SALL1: variants seen among roughly 807,000 people sequenced by gnomAD.
SALL1 encodes the protein spalt like transcription factor 1, also known as sal-like protein 1.
In SALL1, 10 loss-of-function variants were observed where a neutral mutation model predicts 73.1. That is an observed-to-expected ratio of 0.14 (90% CI 0.08 to 0.23). SALL1 has a LOEUF of 0.23. SALL1 is among the 10% of genes least tolerant of loss of function. The probability of loss-of-function intolerance (pLI) is 1.00; values close to 1 mark genes in which losing one functional copy is unlikely to be tolerated. For missense variants in SALL1, 1,520 were observed against 1,697.3 expected (o/e 0.90, Z 1.84); for synonymous variants, 688 against 689.8 (o/e 1.00, Z 0.04).
Position 51,138,835 on chromosome 16 carries a change from T to A in SALL1, c.3387A>T (p.Arg1129Ser), listed in dbSNP as rs1430844208. 1 of 1,614,108 alleles carries A rather than the reference T, an allele frequency of 6.2e-7. No homozygotes were observed. The highest frequency in any genetic ancestry group is 2.2e-5 in the East Asian group (1 of 44,872). Residue 1129 changes from arginine (R) to serine (S), a missense_variant, in exon 2 of 3, where the codon AGA (arginine) becomes AGT (serine). By Grantham distance (110) the Arg-to-Ser change is moderately radical. Around this residue, in one of 7 missense-constraint regions of SALL1, gnomAD observed 318 missense variants for 357.1 expected, o/e 0.89. Transcript: ENST00000251020. Reference protein sequence around the residue: ...SPVLLPALPRRTPKQHYCNTC... With the variant: ...SPVLLPALPRSTPKQHYCNTC... ...TGTTGCAGTAGTGCTGCTTGGGAGTTCTCCTGGGCAGAGCAGGGAGCAGAA... is the reference window on the plus strand; with the variant it reads ...TGTTGCAGTAGTGCTGCTTGGGAGTACTCCTGGGCAGAGCAGGGAGCAGAA...
intron 1 of SALL1, chr16:51,150,909 C>T: frequency 2.6e-6 from 1 of 382,504 alleles, no homozygotes; most frequent in South Asian, 1.0e-4. Context: ...GCCCTCCTTC[C>T]CCCGGGAGGA....
chr16:51,151,666 C>G (rs985831130), upstream of SALL1, among the ~76,000 whole-genome samples: 1 of 151,458 alleles, frequency 6.6e-6, no homozygotes, highest in South Asian at 2.1e-4. Context: ...GGGCCGGCCT[C>G]CTCTCCACTG....
Position 51,137,106 on chromosome 16 carries a change from G to A in SALL1, c.*6C>T, listed in dbSNP as rs1465674747. 6.2e-7 allele frequency: 1 copy of A among 1,613,962 alleles called. No homozygotes were observed. Among genetic ancestry groups the A allele is most frequent in the Non-Finnish European group, 8.5e-7 (1 of 1,179,986 alleles). On this transcript the variant is annotated 3_prime_UTR_variant, in exon 3 of 3. Coordinates refer to ENST00000251020, the MANE Select transcript of SALL1 (RefSeq NM_002968.3). ...AATGAATGCTATGTCTCCAGCCCGAGCTGCTTTAACTCGTGACGATCTCCT... is the reference window on the plus strand; with the variant it reads ...AATGAATGCTATGTCTCCAGCCCGAACTGCTTTAACTCGTGACGATCTCCT...
chr16:51,137,627 T>G (rs1962338612), intron 2 of SALL1, 75 bp from the exon 3 acceptor site: 11 of 1,130,236 alleles, frequency 9.7e-6, no homozygotes, highest in South Asian at 2.7e-5. Flanking sequence ...AGAAGCTTAA[T>G]AGCTGAATCT....
chr16:51,141,168 A>G lies in SALL1; in HGVS notation c.1054T>C (p.Ser352Pro). 8 of 1,614,160 alleles carry G rather than the reference A, an allele frequency of 5.0e-6. No individual in the cohort carries two copies. Among genetic ancestry groups the G allele is most frequent in the Non-Finnish European group, 6.8e-6 (8 of 1,180,032 alleles). Residue 352 changes from serine (S) to proline (P), a missense_variant, in exon 2 of 3, where the codon TCC becomes CCC. Physicochemically the swap from Ser to Pro is moderately conservative, Grantham distance 74. Transcript: ENST00000251020. The surrounding 1 kb of genome is among the most constrained non-coding windows in gnomAD (Gnocchi z 5.4). ...NILAAAVTTPSSEKVASSAGA... is the reference protein window; with the variant it reads ...NILAAAVTTPPSEKVASSAGA... ...GCACTTGAAGCCACTTTTTCAGAGG[A>G]CGGGGTGGTAACTGCCGCTGCCAAT...
At chr16:51,150,232 C>T in intron 1 of SALL1, 1 of 188,218 alleles carries the variant, frequency 5.3e-6, no homozygotes, top group Non-Finnish European at 9.9e-6. Context: ...CCACAGTTGT[C>T]GCCTCCATCG....
At chr16:51,138,285 C>T (rs190907907) in intron 2 of SALL1, among the ~76,000 whole-genome samples, 18 of 151,990 alleles carry the variant, frequency 1.2e-4, no homozygotes, top group South Asian at 2.1e-4. Context: ...ATACATACGC[C>T]GAGAACCCTA....
chr16:51,143,390 G>T, intron 1 of SALL1: 1 of 391,116 alleles, frequency 2.6e-6, no homozygotes, highest in East Asian at 8.2e-5. Context: ...TACAAATGGT[G>T]TGTGGTCATC....
chr16:51,142,930 A>G (rs1385488454), intron 1 of SALL1, among the ~76,000 whole-genome samples: 1 of 152,232 alleles, frequency 6.6e-6, no homozygotes, highest in Non-Finnish European at 1.5e-5. Context: ...CACTAATCAA[A>G]GAATATATGC....
intron 2 of SALL1, among the ~76,000 whole-genome samples, chr16:51,138,308 T>TA (rs1962348128): frequency 6.6e-6 from 1 of 152,202 alleles, no homozygotes; most frequent in Non-Finnish European, 1.5e-5. Flanking sequence ...TATTAAGTGA[T>TA]ACGGGCAGCA....
intron 1 of SALL1, among the ~76,000 whole-genome samples, chr16:51,145,159 A>G (rs1427414480): frequency 6.6e-6 from 1 of 151,650 alleles, no homozygotes; most frequent in Non-Finnish European, 1.5e-5. Context: ...GGAATATTTT[A>G]ATTTGTAGTA....
chr16:51,151,147 C>T lies in SALL1; in HGVS notation c.76+19G>A. ...TGAGTGCGTGTGTGTGTGTCCACGG[C>T]GCGGGCCGGAGCACTCACCATCTCG... On this transcript the variant is annotated intron_variant, in intron 1 of 2. Transcript: ENST00000251020. 5 of 1,577,116 alleles carry T rather than the reference C, an allele frequency of 3.2e-6. No individual in the cohort carries two copies. The highest frequency in any genetic ancestry group is 1.7e-6 in the Non-Finnish European group (2 of 1,164,078).
At position 51,137,149 on chromosome 16, in the gene SALL1, C is replaced by A; in HGVS notation, c.3938G>T (p.Arg1313Leu). 6.2e-7 allele frequency: 1 copy of A among 1,614,156 alleles called. No individual in the cohort carries two copies. Among genetic ancestry groups the A allele is most frequent in the Non-Finnish European group, 8.5e-7 (1 of 1,180,030 alleles). The change falls in exon 3 of 3, where the codon CGC (arginine) becomes CTC (leucine). Residue 1313 changes from arginine (R) to leucine (L), a missense_variant. By Grantham distance (102) the Arg-to-Leu change is moderately radical (BLOSUM62 -2). Around this residue, in one of 7 missense-constraint regions of SALL1, gnomAD observed 318 missense variants for 357.1 expected, o/e 0.89. Coordinates refer to ENST00000251020, the MANE Select transcript of SALL1 (RefSeq NM_002968.3). ...GATCTCCTTGCTGTCCTCCACGAAG[C>A]GGGTGAAGCGGAAGTTGGTTCCGTT... ...SENGTNFRFT[R>L]FVEDSKEIVT...
Position 51,141,457 on chromosome 16 carries a change from C to A in SALL1, c.765G>T (p.Leu255Phe). 5 of 1,614,142 alleles carry A rather than the reference C, an allele frequency of 3.1e-6. No individual in the cohort carries two copies. Among genetic ancestry groups the A allele is most frequent in the Non-Finnish European group, 4.2e-6 (5 of 1,180,032 alleles). ...QLIEQIRHQI[L>F]LLASQNADLP... ...AGTCTGCATTCTGAGAAGCCAACAG[C>A]AATATTTGGTGACGAATCTGTTCGA... Residue 255 changes from leucine (L) to phenylalanine (F), a missense_variant, in exon 2 of 3, where the codon TTG becomes TTT. Leu to Phe is a conservative substitution (Grantham distance 22, BLOSUM62 0). Transcript: ENST00000251020. The surrounding 1 kb of genome is among the most constrained non-coding windows in gnomAD (Gnocchi z 5.4).
chr16:51,150,537 G>A, intron 1 of SALL1: 3 of 985,962 alleles, frequency 3.0e-6, no homozygotes, highest in Non-Finnish European at 3.6e-6. Flanking sequence ...CAACCCCAGC[G>A]GGTCAGGCGC....
chr16:51,144,036 G>A (rs1962481664), intron 1 of SALL1, among the ~76,000 whole-genome samples: 1 of 144,472 alleles, frequency 6.9e-6, no homozygotes, highest in Non-Finnish European at 1.5e-5. Flanking sequence ...CTTCTCCCCT[G>A]CCTTAAAATC....
rs1345479095 is a variant in SALL1 at position 51,140,077 on chromosome 16, G to A, written c.2145C>T (p.Leu715=). 4 of 1,614,138 alleles carry A rather than the reference G, an allele frequency of 2.5e-6. No homozygotes were observed. Among genetic ancestry groups the A allele is most frequent in the African/African-American group, 2.7e-5 (2 of 74,946 alleles). The change falls in exon 2 of 3, where the codon CTC becomes CTT. Residue 715 remains leucine, a synonymous_variant. Transcript: ENST00000251020. This position sits in a 1 kb window ranked among gnomAD's most constrained non-coding sequence, Gnocchi z 5.7. ...GCATTTTCAAGGCGCTCTGGCAGCTGAGAACCCGGTGGCAGATGATGCACT... is the reference window on the plus strand; with the variant it reads ...GCATTTTCAAGGCGCTCTGGCAGCTAAGAACCCGGTGGCAGATGATGCACT... ...PNECIICHRV[L]SCQSALKMHY...
intron 1 of SALL1, among the ~76,000 whole-genome samples, chr16:51,147,348 AC>A (rs1962533233): frequency 2.0e-5 from 3 of 152,166 alleles, no homozygotes; most frequent in Non-Finnish European, 1.5e-5. Flanking sequence ...CACAAAAAAA[AC>A]AGTTTGCATT....
At chr16:51,147,951 C>T (rs140321105) in intron 1 of SALL1, among the ~76,000 whole-genome samples, 57 of 152,256 alleles carry the variant, frequency 3.7e-4, no homozygotes, top group African/African-American at 1.3e-3. Flanking sequence ...CAGTAGCAGT[C>T]ATCTTTCTGC....
Sources: allele counts gnomAD v4.1 joint callset (sites outside exome capture counted in the v4.1 genomes callset), GRCh38; gene constraint gnomAD v4.1.1; regional missense constraint gnomAD v4.1.1; non-coding constraint Gnocchi (gnomAD v3.1); transcripts MANE v1.5; gene names NCBI Gene and HGNC (gene_info 2026-07-23, HGNC 2026-07-21).